SULF1: variants seen among roughly 807,000 people sequenced by gnomAD.
The protein encoded by SULF1 is sulfatase 1, also known as extracellular sulfatase Sulf-1.
In SULF1, 46 loss-of-function variants were observed where a neutral mutation model predicts 110.5. That is an observed-to-expected ratio of 0.42 (90% CI 0.33 to 0.53). The LOEUF (loss-of-function observed/expected upper bound fraction) is 0.53. Ranked by LOEUF, SULF1 falls within the 20% of genes least tolerant of loss-of-function variation. The pLI is 0.12. For synonymous variants in SULF1, 371 were observed against 387.1 expected (o/e 0.96, Z 0.49); for missense variants, 941 against 1,094.2 (o/e 0.86, Z 1.98).
chr8:69,541,472 G>A (rs188813830), intron 3 of SULF1, among the ~76,000 whole-genome samples: 1 of 152,270 alleles, frequency 6.6e-6, no homozygotes, highest in African/African-American at 2.4e-5. Flanking sequence ...CATCCCCTTG[G>A]GTTTACCCTA....
In SULF1 at chr8:69,535,597, G is replaced by A. The variant is rs572565426; in HGVS notation, c.-133-27942G>A. Among the ~76,000 whole-genome samples the A allele has an allele frequency of 3.0e-4, 46 of 152,180 alleles. 1 individual carries two copies. The highest frequency in any genetic ancestry group is 1.3e-4 in the Non-Finnish European group (9 of 68,016). ...GGCCTCTAGCGTTAGGATGTAAGGA[G>A]TAAAGCTCTAACCTTTTTTCTGGAT... On this transcript the variant is annotated intron_variant, in intron 3 of 22. Transcript: ENST00000402687.
At position 69,595,597 on chromosome 8, in the gene SULF1, T is replaced by C. The variant is rs139007327; in HGVS notation, c.735-5006T>C. Among the ~76,000 whole-genome samples, 461 of 152,332 alleles carry C rather than the reference T, an allele frequency of 3.0e-3. 3 individuals are homozygous for C. Among genetic ancestry groups the C allele is most frequent in the African/African-American group, 0.01 (432 of 41,582 alleles). On this transcript the variant is annotated intron_variant, in intron 8 of 22. Transcript: ENST00000402687. ...AGAATTTCCAATGTAATGCTTTGAA[T>C]GTGTACCTTAAATCTGTATCACTGG...
intron 3 of SULF1, among the ~76,000 whole-genome samples, chr8:69,562,459 C>T: frequency 6.6e-6 from 1 of 152,170 alleles, no homozygotes; most frequent in East Asian, 1.9e-4. Context: ...TGTATGGGGA[C>T]TGAGTGGCTG....
chr8:69,489,150 A>T (rs1389544439), upstream of SULF1, among the ~76,000 whole-genome samples: 1 of 152,222 alleles, frequency 6.6e-6, no homozygotes, highest in East Asian at 1.9e-4. Context: ...AGGCGTTACA[A>T]GCCGATCCAT....
At chr8:69,490,391 A>G (rs1340818726), upstream of SULF1, among the ~76,000 whole-genome samples, 1 of 152,134 alleles carries the variant, frequency 6.6e-6, no homozygotes, top group African/African-American at 2.4e-5. Flanking sequence ...ATGAGCCACC[A>G]TGCATGGCTA....
chr8:69,557,041 G>C (rs768255465), intron 3 of SULF1, among the ~76,000 whole-genome samples: 42 of 152,110 alleles, frequency 2.8e-4, no homozygotes, highest in South Asian at 8.3e-4. Context: ...CTGTTCCTAC[G>C]TTAGTTTGCT....
chr8:69,530,639 T>C (rs1433058294), intron 3 of SULF1, among the ~76,000 whole-genome samples: 1 of 152,190 alleles, frequency 6.6e-6, no homozygotes, highest in African/African-American at 2.4e-5. Flanking sequence ...TCCTCTACCG[T>C]AGTAACCAGA....
intron 13 of SULF1, among the ~76,000 whole-genome samples, chr8:69,608,660 G>A (rs1439998048): frequency 1.3e-5 from 2 of 151,930 alleles, no homozygotes; most frequent in Non-Finnish European, 2.9e-5. Flanking sequence ...ACTCCAGCCT[G>A]GGCAAAAAGG....
intron 5 of SULF1, among the ~76,000 whole-genome samples, chr8:69,573,291 A>G (rs1476485301): frequency 1.3e-5 from 2 of 152,206 alleles, no homozygotes; most frequent in African/African-American, 2.4e-5. Context: ...TTAGTTAAGA[A>G]AAGGATGATA....
rs188313378 is a variant in SULF1, at chr8:69,588,707, T to A, written c.565-265T>A. On this transcript the variant is annotated intron_variant, in intron 7 of 22. Transcript: ENST00000402687. ...TTATCTTGGGCAAACACGACTTGACTTTTTTTTTCCCCATTGCTAAGTTGT... is the reference window on the plus strand; with the variant it reads ...TTATCTTGGGCAAACACGACTTGACATTTTTTTTCCCCATTGCTAAGTTGT... Among the ~76,000 whole-genome samples, 26 of 151,896 alleles carry A rather than the reference T, an allele frequency of 1.7e-4. No homozygotes were observed. The South Asian group carries it at 1.9e-3, about 11-fold the overall frequency.
chr8:69,482,850 G>A lies in SULF1; in HGVS notation c.-390-12915G>A, dbSNP rs150314204. Among the ~76,000 whole-genome samples, 7 of 152,222 alleles carry A rather than the reference G, an allele frequency of 4.6e-5. No individual in the cohort carries two copies. The East Asian group carries it at 1.3e-3, about 29-fold the overall frequency. On this transcript the variant is annotated intron_variant, in intron 1 of 22. Coordinates refer to the SULF1 transcript ENST00000260128. The stretch of plus-strand genomic sequence containing the variant: ...GGTCTCCTAACTATAATCTATTTCT[G>A]TAAACTGAAAGTAATTTCCACTTAA...
At chr8:69,567,024 G>A (rs548394797) in intron 5 of SULF1, among the ~76,000 whole-genome samples, 5 of 152,108 alleles carry the variant, frequency 3.3e-5, no homozygotes, top group East Asian at 1.9e-4. Context: ...CCACAGCTAC[G>A]TATTTAACCA....
chr8:69,470,991 C>T (rs1432647526), intron 1 of SULF1, among the ~76,000 whole-genome samples: 1 of 152,142 alleles, frequency 6.6e-6, no homozygotes, highest in Non-Finnish European at 1.5e-5. Context: ...ATTCATAAGC[C>T]TGTGTGTAAA....
At chr8:69,517,630 G>T (rs911761597) in intron 3 of SULF1, among the ~76,000 whole-genome samples, 1 of 152,128 alleles carries the variant, frequency 6.6e-6, no homozygotes, top group Non-Finnish European at 1.5e-5. Context: ...AGTAAGAGTT[G>T]AGGTTATCAG....
chr8:69,574,880 G>A (rs1805492254), intron 5 of SULF1, among the ~76,000 whole-genome samples: 1 of 152,178 alleles, frequency 6.6e-6, no homozygotes, highest in Non-Finnish European at 1.5e-5. Context: ...AACGGTAAAA[G>A]CTAGTATATG....
intron 3 of SULF1, among the ~76,000 whole-genome samples, chr8:69,550,400 G>A (rs970113457): frequency 6.6e-6 from 1 of 152,106 alleles, no homozygotes; most frequent in Non-Finnish European, 1.5e-5. Flanking sequence ...AAAAATTCTT[G>A]CTTCTTGATT....
chr8:69,572,543 T>G (rs1805310814), intron 5 of SULF1, among the ~76,000 whole-genome samples: 1 of 152,182 alleles, frequency 6.6e-6, no homozygotes, highest in Admixed American at 6.5e-5. Flanking sequence ...CCTAGATCAC[T>G]CAAAATTAGG....
chr8:69,529,112 A>T (rs1812907100), intron 3 of SULF1, among the ~76,000 whole-genome samples: 1 of 152,212 alleles, frequency 6.6e-6, no homozygotes, highest in Non-Finnish European at 1.5e-5. Context: ...AAGGAAACTG[A>T]GATCCGGAAA....
intron 3 of SULF1, among the ~76,000 whole-genome samples, chr8:69,535,272 C>A (rs1379518903): frequency 1.1e-4 from 17 of 152,168 alleles, no homozygotes. Flanking sequence ...AGCCTGAAGT[C>A]AATAGACAAC....
Sources: allele counts gnomAD v4.1 joint callset (sites outside exome capture counted in the v4.1 genomes callset), GRCh38; gene constraint gnomAD v4.1.1; transcripts MANE v1.5; gene names NCBI Gene and HGNC (gene_info 2026-07-23, HGNC 2026-07-21).